The following ERC2 variants were observed in gnomAD, a reference collection of about 807,000 sequenced individuals.
The protein encoded by ERC2 is ERC protein 2.
Under a neutral mutation model 114.8 loss-of-function variants are expected in ERC2, and 42 were observed. The ratio of observed to expected loss-of-function variants is 0.37; its 90% confidence interval spans 0.29 to 0.47. The LOEUF (loss-of-function observed/expected upper bound fraction) is 0.47, where lower values mean the gene tolerates loss of function less well. Among genes scored for constraint, ERC2 ranks in the 20% least tolerant of loss-of-function variants. The pLI is 0.99. For synonymous variants in ERC2, 454 were observed against 425.5 expected, an observed-to-expected ratio of 1.07 and a Z score of -0.82; for missense variants, 939 against 1,150.7, an observed-to-expected ratio of 0.82 and a Z score of 2.66.
In ERC2 at chr3:55,992,172, A is replaced by G; in HGVS notation, c.2140T>C (p.Tyr714His). Residue 714 changes from tyrosine (Y) to histidine (H), a missense_variant, in exon 11 of 18, where the codon TAC becomes CAC. Transcript: ENST00000288221. The part of the protein sequence containing the change: ...QIKQLDKEAS[Y>H]YRDECGKAQA... ...GCCTTGCCACACTCGTCGCGGTAGT[A>G]AGACGCCTCTTTATCGAGCTGTTTT... 3.1e-6 allele frequency: 5 copies of G among 1,613,802 alleles called. No individual in the cohort carries two copies. The South Asian group carries it at 4.4e-5, about 14-fold the overall frequency.
intron 2 of ERC2, among the ~76,000 whole-genome samples, chr3:56,327,609 T>C (rs901924704): frequency 6.6e-6 from 1 of 152,060 alleles, no homozygotes; most frequent in South Asian, 2.1e-4. Flanking sequence ...CAGGGAGGCG[T>C]AGGTTGCAAT....
At chr3:55,684,746 A>G (rs1036395272) in intron 16 of ERC2, among the ~76,000 whole-genome samples, 3 of 152,228 alleles carry the variant, frequency 2.0e-5, no homozygotes, top group African/African-American at 7.2e-5. Flanking sequence ...AGACAGAAGT[A>G]TATCCCCAAA....
chr3:56,295,939 T>C, intron 3 of ERC2, 80 bp downstream of exon 3: 1 of 1,423,510 alleles, frequency 7.0e-7, no homozygotes, highest in Non-Finnish European at 9.3e-7. Context: ...TGTAGATATC[T>C]TCCAACCTGT....
chr3:56,111,738 AC>A (rs2078975176), intron 6 of ERC2, among the ~76,000 whole-genome samples: 2 of 152,236 alleles, frequency 1.3e-5, no homozygotes, highest in South Asian at 4.1e-4. Flanking sequence ...TTTCCACTGA[AC>A]CATGTCACAG....
intron 17 of ERC2, among the ~76,000 whole-genome samples, chr3:55,568,311 C>G (rs554848730): frequency 6.6e-6 from 1 of 152,122 alleles, no homozygotes; most frequent in African/African-American, 2.4e-5. Flanking sequence ...GGCCGGGGAC[C>G]CATGTGGTCT....
chr3:56,418,823 C>T (rs1036056058), intron 2 of ERC2, among the ~76,000 whole-genome samples: 1 of 152,228 alleles, frequency 6.6e-6, no homozygotes. Context: ...ATCCCAAACA[C>T]TTCCAGAAGC....
At chr3:55,825,737 G>A (rs1320378775) in intron 14 of ERC2, among the ~76,000 whole-genome samples, 1 of 152,028 alleles carries the variant, frequency 6.6e-6, no homozygotes, top group Non-Finnish European at 1.5e-5. Flanking sequence ...TATTTCATCT[G>A]TGGTGATATT....
At chr3:55,811,682 G>A (rs973252620) in intron 14 of ERC2, among the ~76,000 whole-genome samples, 1 of 152,042 alleles carries the variant, frequency 6.6e-6, no homozygotes, top group Admixed American at 6.6e-5. Context: ...TTATCTTCCA[G>A]AAATCAGCTT....
intron 1 of ERC2, among the ~76,000 whole-genome samples, chr3:56,467,506 A>G (rs913130282): frequency 6.6e-6 from 1 of 152,198 alleles, no homozygotes; most frequent in Non-Finnish European, 1.5e-5. Context: ...GAACCAAAGC[A>G]GCTCTTAATC....
At chr3:56,320,982 G>T (rs1173319376) in intron 2 of ERC2, among the ~76,000 whole-genome samples, 1 of 152,150 alleles carries the variant, frequency 6.6e-6, no homozygotes, top group Non-Finnish European at 1.5e-5. Flanking sequence ...TCATCTCAAA[G>T]TCTTCTTCAA....
chr3:55,996,675 T>G (rs1170977990), intron 10 of ERC2, among the ~76,000 whole-genome samples: 1 of 152,150 alleles, frequency 6.6e-6, no homozygotes, highest in Non-Finnish European at 1.5e-5. Context: ...CAAAACAAAC[T>G]CTGGAGTCTC....
chr3:55,699,274 C>A (rs911424229), intron 16 of ERC2, 104 bp downstream of exon 16: 8 of 1,411,818 alleles, frequency 5.7e-6, no homozygotes, highest in Non-Finnish European at 7.9e-6. Flanking sequence ...GTTCAAAGAA[C>A]GTATCACTTT....
At chr3:56,052,750 G>T (rs779733080) in intron 7 of ERC2, among the ~76,000 whole-genome samples, 1 of 152,178 alleles carries the variant, frequency 6.6e-6, no homozygotes, top group Non-Finnish European at 1.5e-5. Context: ...GACCCGAGTT[G>T]CATTTTGAGA....
chr3:56,357,656 T>TA (rs2058795825), intron 2 of ERC2, among the ~76,000 whole-genome samples: 1 of 151,546 alleles, frequency 6.6e-6, no homozygotes, highest in Non-Finnish European at 1.5e-5. Context: ...AGTGTACCGC[T>TA]AATGGCTTTA....
At chr3:55,572,933 T>C (rs992095285) in intron 17 of ERC2, among the ~76,000 whole-genome samples, 5 of 152,192 alleles carry the variant, frequency 3.3e-5, no homozygotes, top group Non-Finnish European at 7.3e-5. Flanking sequence ...CAGGTCTTCC[T>C]CCAGGAGCTC....
chr3:56,351,954 G>A (rs953820763), intron 2 of ERC2, among the ~76,000 whole-genome samples: 3 of 152,130 alleles, frequency 2.0e-5, no homozygotes, highest in Non-Finnish European at 4.4e-5. Context: ...TGAGATACAG[G>A]GAGTAGAGGA....
chr3:56,046,350 G>A (rs1304844324), intron 7 of ERC2, among the ~76,000 whole-genome samples: 1 of 152,136 alleles, frequency 6.6e-6, no homozygotes, highest in African/African-American at 2.4e-5. Flanking sequence ...AAGAAGCTGG[G>A]GGTGAGAAGG....
At chr3:56,256,077 T>C (rs2052496314) in intron 3 of ERC2, among the ~76,000 whole-genome samples, 1 of 152,218 alleles carries the variant, frequency 6.6e-6, no homozygotes, top group Admixed American at 6.5e-5. Context: ...AGGCTAGCTA[T>C]GGCAAATCAA....
chr3:55,730,603 G>T (rs568810944), intron 15 of ERC2, among the ~76,000 whole-genome samples: 1 of 152,320 alleles, frequency 6.6e-6, no homozygotes, highest in East Asian at 1.9e-4. Flanking sequence ...AGGCAGTGTG[G>T]CTCACACCCG....
Sources: allele counts gnomAD v4.1 joint callset (sites outside exome capture counted in the v4.1 genomes callset), GRCh38; gene constraint gnomAD v4.1.1; transcripts MANE v1.5; gene names NCBI Gene and HGNC (gene_info 2026-07-23, HGNC 2026-07-21).